Variants in C1QTNF4 observed in about 807,000 individuals in gnomAD.
The protein encoded by C1QTNF4 is complement C1q tumor necrosis factor-related protein 4.
Under a neutral mutation model 14.6 loss-of-function variants are expected in C1QTNF4, and 12 were observed. That is an observed-to-expected ratio of 0.82 (90% CI 0.53 to 1.33). The LOEUF (loss-of-function observed/expected upper bound fraction) is 1.33. Among genes scored for constraint, C1QTNF4 ranks in the 40% most tolerant of loss-of-function variants. C1QTNF4 has a pLI of 0.00. For synonymous variants in C1QTNF4, 278 were observed against 246.6 expected (o/e 1.13, Z -1.19); for missense variants, 558 against 500.3 (o/e 1.12, Z -1.10).
chr11:47,590,374 G>A lies in C1QTNF4; in HGVS notation c.437C>T (p.Ala146Val), dbSNP rs1293892853. ...LHGAPQYALG[A>V]PGATFSGYLV... Reference sequence around the variant, plus strand: ...GTAGCCGCTGAAGGTGGCGCCGGGCGCGCCTAGCGCGTACTGCGGGGCGCC... The same window carrying A: ...GTAGCCGCTGAAGGTGGCGCCGGGCACGCCTAGCGCGTACTGCGGGGCGCC... Residue 146 changes from alanine (A) to valine (V), a missense_variant, in exon 2 of 2, where the codon GCG (alanine) becomes GTG (valine). By Grantham distance (64) the Ala-to-Val change is moderately conservative. Coordinates refer to ENST00000302514, the MANE Select transcript of C1QTNF4 (RefSeq NM_031909.3). 7.2e-7 allele frequency: 1 copy of A among 1,390,504 alleles called. No individual in the cohort carries two copies. Among genetic ancestry groups the A allele is most frequent in the East Asian group, 3.0e-5 (1 of 33,182 alleles). 86.1% of individuals were successfully genotyped at this position (1,390,504 alleles called of 1,614,324 possible).
At position 47,589,883 on chromosome 11, in the gene C1QTNF4, G is replaced by A; in HGVS notation, c.928C>T (p.Leu310=). 1 of 1,562,348 alleles carries A rather than the reference G, an allele frequency of 6.4e-7. No homozygotes were observed. Among genetic ancestry groups the A allele is most frequent in the Non-Finnish European group, 8.7e-7 (1 of 1,152,832 alleles). ...GCGGGGGCGAGGTCGGGGTACACCA[G>A]GAAGCCGGAGAAGGTGATGTACTTG... ...HGKYITFSGF[L]VYPDLAPAAP... is the part of the protein sequence containing the mutation. Residue 310 remains leucine, a synonymous_variant, in exon 2 of 2, where the codon CTG becomes TTG. Coordinates refer to ENST00000302514, the MANE Select transcript of C1QTNF4 (RefSeq NM_031909.3).
upstream of C1QTNF4, among the ~76,000 whole-genome samples, chr11:47,594,943 C>T (rs1173295393): frequency 6.6e-6 from 1 of 152,026 alleles, no homozygotes; most frequent in African/African-American, 2.4e-5. Flanking sequence ...GCCTGCGTTC[C>T]CCGGGGTGAG....
chr11:47,590,203 A>T lies in C1QTNF4; in HGVS notation c.608T>A (p.Phe203Tyr), dbSNP rs754455466. Residue 203 changes from phenylalanine to tyrosine, a missense_variant, in exon 2 of 2, where the codon TTC (phenylalanine) becomes TAC (tyrosine). Phe to Tyr is a conservative substitution (Grantham distance 22, BLOSUM62 3). Coordinates refer to ENST00000302514, the MANE Select transcript of C1QTNF4 (RefSeq NM_031909.3). The part of the protein sequence containing the change: ...GPGPRHQPLA[F>Y]DTEFVNIGGD... ...GCCAATGTTGACGAACTCGGTGTCGAAGGCGAGTGGTTGGTGCCGCGGCCC... is the reference window on the plus strand; with the variant it reads ...GCCAATGTTGACGAACTCGGTGTCGTAGGCGAGTGGTTGGTGCCGCGGCCC... 5.8e-5 allele frequency: 92 copies of T among 1,583,138 alleles called. No homozygotes were observed. The highest frequency in any genetic ancestry group is 7.3e-5 in the Non-Finnish European group (85 of 1,168,520).
Position 47,589,941 on chromosome 11 carries a change from G to A in C1QTNF4, c.870C>T (p.Asp290=). 1 of 1,609,450 alleles carries A rather than the reference G, an allele frequency of 6.2e-7. No individual in the cohort carries two copies. Among genetic ancestry groups the A allele is most frequent in the East Asian group, 2.2e-5 (1 of 44,584 alleles). Residue 290 remains aspartate (D), a synonymous_variant, in exon 2 of 2, where the codon GAC becomes GAT. Transcript: ENST00000302514. ...RGDAVWLLSH[D]HDGYGAYSNH... ...TGCTGTAGGCGCCGTAGCCGTCGTG[G>A]TCGTGGCTGAGCAGCCAGACGGCGT... is the stretch of plus-strand genomic sequence containing the variant.
At chr11:47,591,937 G>A (rs1301443612) in intron 1 of C1QTNF4, among the ~76,000 whole-genome samples, 1 of 152,174 alleles carries the variant, frequency 6.6e-6, no homozygotes. Context: ...TCAACGCTCT[G>A]CATGACCGTT....
Position 47,589,799 on chromosome 11 carries a change from G to A in C1QTNF4, c.*22C>T, listed in dbSNP as rs1166273566. The A allele has an allele frequency of 1.3e-6, 2 of 1,492,698 alleles. No homozygotes were observed. Among genetic ancestry groups the A allele is most frequent in the African/African-American group, 1.4e-5 (1 of 70,564 alleles). The allele number at this position is 1,492,698 out of a possible 1,614,324, so 92.5% of individuals were successfully genotyped here. ...TGGCATGCACGCCCCTGGCCCTCCC[G>A]GGCTCTTCTCTGGCCCGGGGCTCAC... On this transcript the variant is annotated 3_prime_UTR_variant, in exon 2 of 2. Coordinates refer to ENST00000302514, the MANE Select transcript of C1QTNF4 (RefSeq NM_031909.3).
At chr11:47,592,712 G>A (rs2097276246) in intron 1 of C1QTNF4, among the ~76,000 whole-genome samples, 1 of 152,198 alleles carries the variant, frequency 6.6e-6, no homozygotes, top group South Asian at 2.1e-4. Flanking sequence ...TTTAGAAAAT[G>A]CCCTGTATGT....
intron 1 of C1QTNF4, among the ~76,000 whole-genome samples, chr11:47,593,483 C>T (rs141183129): frequency 6.6e-6 from 1 of 152,262 alleles, no homozygotes; most frequent in Non-Finnish European, 1.5e-5. Flanking sequence ...ACCTCCTGAC[C>T]AAGGCTGGTG....
chr11:47,589,961 C>A lies in C1QTNF4; in HGVS notation c.850G>T (p.Val284Phe). The change falls in exon 2 of 2, where the codon GTC becomes TTC. Residue 284 changes from valine to phenylalanine, a missense_variant. By Grantham distance (50) the Val-to-Phe change is conservative. Transcript: ENST00000302514. ...TCGTGGTCGTGGCTGAGCAGCCAGACGGCGTCGCCGCGCCGCAGGGCCAGC... is the reference window on the plus strand; with the variant it reads ...TCGTGGTCGTGGCTGAGCAGCCAGAAGGCGTCGCCGCGCCGCAGGGCCAGC... ...VMLALRRGDAVWLLSHDHDGY... is the reference protein window; with the variant it reads ...VMLALRRGDAFWLLSHDHDGY... The A allele has an allele frequency of 6.2e-7, 1 of 1,610,398 alleles. No homozygotes were observed. The highest frequency in any genetic ancestry group is 8.5e-7 in the Non-Finnish European group (1 of 1,178,132).
chr11:47,592,077 G>A (rs1040293692), intron 1 of C1QTNF4, among the ~76,000 whole-genome samples: 1 of 152,190 alleles, frequency 6.6e-6, no homozygotes, highest in East Asian at 1.9e-4. Context: ...CCTCCCCCTT[G>A]AAATCAGAGT....
Position 47,589,868 on chromosome 11 carries a change from G to C in C1QTNF4, c.943C>G (p.Leu315Val), listed in dbSNP as rs899495977. ...AGGCCCGGCGGGGCGGCGGGGGCGA[G>C]GTCGGGGTACACCAGGAAGCCGGAG... ...TFSGFLVYPDLAPAAPPGLGA... is the reference protein window; with the variant it reads ...TFSGFLVYPDVAPAAPPGLGA... Residue 315 changes from leucine (L) to valine (V), a missense_variant, in exon 2 of 2, where the codon CTC becomes GTC. By Grantham distance (32) the Leu-to-Val change is conservative. Coordinates refer to ENST00000302514, the MANE Select transcript of C1QTNF4 (RefSeq NM_031909.3). 11 of 1,553,330 alleles carry C rather than the reference G, an allele frequency of 7.1e-6. No individual in the cohort carries two copies. Among genetic ancestry groups the C allele is most frequent in the Non-Finnish European group, 9.6e-6 (11 of 1,147,770 alleles).
rs1348989156 is a variant in C1QTNF4, at chr11:47,590,193, C to G, written c.618G>C (p.Glu206Asp). The G allele has an allele frequency of 1.9e-6, 3 of 1,591,402 alleles. No individual in the cohort carries two copies. The highest frequency in any genetic ancestry group is 1.7e-6 in the Non-Finnish European group (2 of 1,171,942). The change falls in exon 2 of 2, where the codon GAG becomes GAC. Residue 206 changes from glutamate to aspartate, a missense_variant. By Grantham distance (45) the Glu-to-Asp change is conservative. Transcript: ENST00000302514. ...PRHQPLAFDTEFVNIGGDFDA... is the reference protein window; with the variant it reads ...PRHQPLAFDTDFVNIGGDFDA... ...CGAAGTCGCCGCCAATGTTGACGAA[C>G]TCGGTGTCGAAGGCGAGTGGTTGGT...
Position 47,590,783 on chromosome 11 carries a change from C to G in C1QTNF4, c.28G>C (p.Gly10Arg), listed in dbSNP as rs1421918582. The change falls in exon 2 of 2, where the codon GGC becomes CGC. Residue 10 changes from glycine (G) to arginine (R), a missense_variant. Coordinates refer to ENST00000302514, the MANE Select transcript of C1QTNF4 (RefSeq NM_031909.3). ...CCCAGGGCCCAGCAGGCCGCTGGGC[C>G]CAGCAGGCCCAGCAGAAGCGGCAGC... Reference protein sequence around the residue: MLPLLLGLLGPAACWALGPT... With the variant: MLPLLLGLLRPAACWALGPT... 7 of 1,515,210 alleles carry G rather than the reference C, an allele frequency of 4.6e-6. No individual in the cohort carries two copies. The highest frequency in any genetic ancestry group is 2.5e-5 in the Admixed American group (1 of 40,426). 93.9% of individuals were successfully genotyped at this position (1,515,210 alleles called of 1,614,324 possible).
chr11:47,590,440 A>T lies in C1QTNF4; in HGVS notation c.371T>A (p.Leu124Gln). Reference sequence around the variant, plus strand: ...CACTGTGTCGCCGTAGTCGAGCTGCAGCATGGCGCTCTGGCTGGCTGCGCG... The same window carrying T: ...CACTGTGTCGCCGTAGTCGAGCTGCTGCATGGCGCTCTGGCTGGCTGCGCG... ...ARRAASQSAM[L>Q]QLDYGDTVWL... is the part of the protein sequence containing the mutation. Residue 124 changes from leucine to glutamine, a missense_variant, in exon 2 of 2, where the codon CTG becomes CAG. Leu to Gln is a moderately radical substitution (Grantham distance 113, BLOSUM62 -2). Transcript: ENST00000302514. The T allele has an allele frequency of 6.6e-7, 1 of 1,513,764 alleles. No individual in the cohort carries two copies. Among genetic ancestry groups the T allele is most frequent in the Non-Finnish European group, 8.8e-7 (1 of 1,135,804 alleles). The allele number at this position is 1,513,764 out of a possible 1,614,324, so 93.8% of individuals were successfully genotyped here. A position where few individuals can be genotyped will look rare whatever the true frequency, so the allele number is the denominator to read the frequency against.
At position 47,590,513 on chromosome 11, in the gene C1QTNF4, C is replaced by T. The variant is rs755687320; in HGVS notation, c.298G>A (p.Glu100Lys). ...TCGTCGAAGGCCAGCGCCTGCACCT[C>T]GTCGCGGTTTCGCACCAGCATCACC... ...LSVMLVRNRD[E>K]VQALAFDEQR... is the part of the protein sequence containing the mutation. Residue 100 changes from glutamate (E) to lysine (K), a missense_variant, in exon 2 of 2, where the codon GAG (glutamate) becomes AAG (lysine). Coordinates refer to ENST00000302514, the MANE Select transcript of C1QTNF4 (RefSeq NM_031909.3). 1 of 1,575,430 alleles carries T rather than the reference C, an allele frequency of 6.3e-7. No homozygotes were observed. Among genetic ancestry groups the T allele is most frequent in the Non-Finnish European group, 8.6e-7 (1 of 1,162,208 alleles).
In C1QTNF4 at chr11:47,590,118, G is replaced by C. The variant is rs1374261705; in HGVS notation, c.693C>G (p.Phe231Leu). 3 of 1,611,344 alleles carry C rather than the reference G, an allele frequency of 1.9e-6. No homozygotes were observed. The highest frequency in any genetic ancestry group is 2.5e-6 in the Non-Finnish European group (3 of 1,179,074). The change falls in exon 2 of 2, where the codon TTC becomes TTG. Residue 231 changes from phenylalanine to leucine, a missense_variant. By Grantham distance (22) the Phe-to-Leu change is conservative (BLOSUM62 0). Coordinates refer to ENST00000302514, the MANE Select transcript of C1QTNF4 (RefSeq NM_031909.3). ...FRCRLPGAYF[F>L]SFTLGKLPRK... ...GCGGCAGCTTGCCCAGCGTGAAGGA[G>C]AAGAAGTAGGCGCCGGGCAGACGGC...
rs2097274997 is a variant in C1QTNF4, at chr11:47,590,662, A to G, written c.149T>C (p.Phe50Ser). ...LEGTSEMAVT[F>S]DKVYVNIGGD... ...CCCGATGTTCACGTACACCTTGTCGAAGGTCACCGCCATCTCCGACGTGCC... is the reference window on the plus strand; with the variant it reads ...CCCGATGTTCACGTACACCTTGTCGGAGGTCACCGCCATCTCCGACGTGCC... Residue 50 changes from phenylalanine (F) to serine (S), a missense_variant, in exon 2 of 2, where the codon TTC becomes TCC. Transcript: ENST00000302514. 1.2e-6 allele frequency: 2 copies of G among 1,611,156 alleles called. No individual in the cohort carries two copies. Among genetic ancestry groups the G allele is most frequent in the African/African-American group, 2.7e-5 (2 of 74,772 alleles).
In C1QTNF4 at chr11:47,590,569, G is replaced by A. The variant is rs867047470; in HGVS notation, c.242C>T (p.Thr81Met). ...GCTCTTGTGCGGGGCCTTGCCAGCC[G>A]TGAAGGAGAAGAAGTAGGCGCCGGG... ...RVPGAYFFSF[T>M]AGKAPHKSLS... Residue 81 changes from threonine to methionine, a missense_variant, in exon 2 of 2, where the codon ACG becomes ATG. Thr to Met is a moderately conservative substitution (Grantham distance 81). Coordinates refer to ENST00000302514, the MANE Select transcript of C1QTNF4 (RefSeq NM_031909.3). 1 of 1,603,932 alleles carries A rather than the reference G, an allele frequency of 6.2e-7. No individual in the cohort carries two copies. The highest frequency in any genetic ancestry group is 8.5e-7 in the Non-Finnish European group (1 of 1,176,164).
Position 47,589,743 on chromosome 11 carries a change from C to T in C1QTNF4, c.*78G>A. On this transcript the variant is annotated 3_prime_UTR_variant, in exon 2 of 2. Coordinates refer to ENST00000302514, the MANE Select transcript of C1QTNF4 (RefSeq NM_031909.3). ...AGGCGCGCCCGGAGGCCGTGGCGCT[C>T]GCGCGGGACTTTCGAGCCTCCGGCC... 2.2e-6 allele frequency: 3 copies of T among 1,349,690 alleles called. No individual in the cohort carries two copies. Among genetic ancestry groups the T allele is most frequent in the Non-Finnish European group, 2.9e-6 (3 of 1,026,090 alleles). The allele number at this position is 1,349,690 out of a possible 1,614,324, so 83.6% of individuals were successfully genotyped here.
Sources: gnomAD v4.1 joint callset for allele counts (sites outside exome capture counted in the v4.1 genomes callset) on GRCh38, gnomAD v4.1.1 for gene constraint, MANE v1.5 for transcripts, NCBI Gene and HGNC (gene_info 2026-07-23, HGNC 2026-07-21) for gene names.